KRR1: variants seen among roughly 807,000 people sequenced by gnomAD.
KRR1 encodes KRR1 small subunit processome component.
Under a neutral mutation model 50.0 loss-of-function variants are expected in KRR1, and 23 were observed. The observed-to-expected ratio is 0.46, with a 90% CI of 0.33 to 0.65. The LOEUF (loss-of-function observed/expected upper bound fraction) is 0.65, where lower values mean the gene tolerates loss of function less well. KRR1 is among the 30% of genes least tolerant of loss of function. KRR1 has a pLI of 0.02. For missense variants in KRR1, 419 were observed against 442.4 expected (o/e 0.95, Z 0.47); for synonymous variants, 133 against 146.3 (o/e 0.91, Z 0.66).
chr12:75,506,037 C>T (rs1029549625), intron 5 of KRR1: 11 of 246,704 alleles, frequency 4.5e-5, no homozygotes, highest in African/African-American at 2.3e-4. Context: ...GACTGAAGAT[C>T]TTAATGCTCA....
rs766235946 is a variant in KRR1 at position 75,508,344 on chromosome 12, A to G, written c.188T>C (p.Leu63Ser). The change falls in exon 2 of 10, where the codon TTG becomes TCG. Residue 63 changes from leucine (L) to serine (S), a missense_variant. Transcript: ENST00000229214. ...GLLEESSFATLFPKYREAYLK... is the reference protein window; with the variant it reads ...GLLEESSFATSFPKYREAYLK... ...GTAAGCTTCCCTGTATTTTGGGAAC[A>G]AAGTTGCGAAACTGCTCTCCTCCAA... is the stretch of plus-strand genomic sequence containing the variant. 2 of 1,613,632 alleles carry G rather than the reference A, an allele frequency of 1.2e-6. No individual in the cohort carries two copies. Among genetic ancestry groups the G allele is most frequent in the Non-Finnish European group, 1.7e-6 (2 of 1,179,812 alleles).
At chr12:75,510,328 A>G (rs2046441285) in intron 1 of KRR1, among the ~76,000 whole-genome samples, 1 of 152,212 alleles carries the variant, frequency 6.6e-6, no homozygotes, top group South Asian at 2.1e-4. Flanking sequence ...GACATGTACA[A>G]AGATGTTTTA....
intron 8 of KRR1, 26 bp downstream of exon 8, chr12:75,501,897 T>C (rs756183987): frequency 7.5e-6 from 12 of 1,604,326 alleles, no homozygotes; most frequent in South Asian, 2.2e-5. Context: ...TTGCTATTCA[T>C]GTGAGCCAGA....
Position 75,497,111 on chromosome 12 carries a change from C to G in KRR1, c.*2698G>C, listed in dbSNP as rs1467000646. 1 of 152,114 alleles carries G rather than the reference C, an allele frequency of 6.6e-6. No individual in the cohort carries two copies. Among genetic ancestry groups the G allele is most frequent in the Non-Finnish European group, 1.5e-5 (1 of 68,026 alleles). The allele number at this position is 152,114 out of a possible 1,614,324, so 9.4% of individuals were successfully genotyped here. On this transcript the variant is annotated 3_prime_UTR_variant, in exon 10 of 10. Coordinates refer to ENST00000229214, the MANE Select transcript of KRR1 (RefSeq NM_007043.7). ...ACTATGGATTTCAGAACCAGTATGC[C>G]AAGTTTTGGTGCAATTTCCAGTTTG...
rs1323389656 is a variant in KRR1 at position 75,494,409 on chromosome 12, A to G, written c.*5400T>C. 2 of 152,188 alleles carry G rather than the reference A, an allele frequency of 1.3e-5. No individual in the cohort carries two copies. Among genetic ancestry groups the G allele is most frequent in the Admixed American group, 6.5e-5 (1 of 15,276 alleles). 9.4% of individuals were successfully genotyped at this position (152,188 alleles called of 1,614,324 possible). ...GCAGTATCATCTTTGTAAATATCAG[A>G]TATTTTCATACCACATTCCACTTGC... On this transcript the variant is annotated 3_prime_UTR_variant, in exon 10 of 10. Transcript: ENST00000229214.
chr12:75,510,539 C>CT (rs1205666019), intron 1 of KRR1, among the ~76,000 whole-genome samples: 1 of 152,164 alleles, frequency 6.6e-6, no homozygotes, highest in Non-Finnish European at 1.5e-5. Context: ...ATACGGTCCA[C>CT]TTTCATGTAT....
intron 7 of KRR1, 92 bp from the exon 8 acceptor site, chr12:75,502,092 A>G (rs2046398419): frequency 2.0e-6 from 2 of 984,924 alleles, no homozygotes; most frequent in Admixed American, 1.9e-5. Context: ...GGTAAAAACA[A>G]TGGGGTCAAA....
In KRR1 at chr12:75,495,997, G is replaced by GTTTTTTTTTTTTTT. The variant is rs370713345; in HGVS notation, c.*3811_*3812insAAAAAAAAAAAAAA. ...TCCAAACAAACAGAATTCTGTTTTC[G>GTTTTTTTTTTTTTT]TTTTTTTTTTTGTTTTTTTTTTTTG... On this transcript the variant is annotated 3_prime_UTR_variant, in exon 10 of 10. Coordinates refer to ENST00000229214, the MANE Select transcript of KRR1 (RefSeq NM_007043.7). The GTTTTTTTTTTTTTT allele has an allele frequency of 1.5e-5, 2 of 132,126 alleles. No individual in the cohort carries two copies. The highest frequency in any genetic ancestry group is 8.0e-5 in the Admixed American group (1 of 12,534). 8.2% of individuals were successfully genotyped at this position (132,126 alleles called of 1,614,324 possible).
chr12:75,498,682 CT>C lies in KRR1; in HGVS notation c.*1126del, dbSNP rs773631187. The C allele has an allele frequency of 1.7e-5, 27 of 1,609,122 alleles. No homozygotes were observed. Among genetic ancestry groups the C allele is most frequent in the Non-Finnish European group, 2.1e-5 (25 of 1,175,820 alleles). ...TTTTAATTTTTTTTCTTTCTTCCCC[CT>C]AACTTTACAGTTAACCGACAGCGAG... is the stretch of plus-strand genomic sequence containing the variant. On this transcript the variant is annotated 3_prime_UTR_variant, in exon 10 of 10. Transcript: ENST00000229214.
chr12:75,510,765 C>T (rs956820984), intron 1 of KRR1, among the ~76,000 whole-genome samples: 11 of 152,156 alleles, frequency 7.2e-5, no homozygotes, highest in African/African-American at 2.4e-5. Flanking sequence ...TAAGTTGTAT[C>T]CCCTGCTATG....
chr12:75,508,137 T>C (rs1365254757), intron 2 of KRR1, 137 bp downstream of exon 2: 7 of 478,018 alleles, frequency 1.5e-5, no homozygotes, highest in African/African-American at 2.0e-5. Context: ...TTAAATAGTT[T>C]AGAATACCAA....
At position 75,491,431 on chromosome 12, in the gene KRR1, A is replaced by G. The variant is rs1416354583; in HGVS notation, c.*8378T>C. The G allele has an allele frequency of 1.3e-5, 2 of 152,238 alleles. No homozygotes were observed. The highest frequency in any genetic ancestry group is 2.9e-5 in the Non-Finnish European group (2 of 68,036). The allele number at this position is 152,238 out of a possible 1,614,324, so 9.4% of individuals were successfully genotyped here. On this transcript the variant is annotated 3_prime_UTR_variant, in exon 10 of 10. Transcript: ENST00000229214. ...GTACCACCATCCTGTTGAAGAATTTAGATTGTTCACTATATTTTCATTTAA... is the reference window on the plus strand; with the variant it reads ...GTACCACCATCCTGTTGAAGAATTTGGATTGTTCACTATATTTTCATTTAA...
chr12:75,506,963 T>C, intron 2 of KRR1, 47 bp from the exon 3 acceptor site: 1 of 1,526,186 alleles, frequency 6.6e-7, no homozygotes, highest in Non-Finnish European at 8.8e-7. Flanking sequence ...AATGAGTTTT[T>C]TTAGATAATT....
At position 75,492,469 on chromosome 12, in the gene KRR1, T is replaced by C. The variant is rs536586339; in HGVS notation, c.*7340A>G. Reference sequence around the variant, plus strand: ...CTCTGAATCTCAGTTTAACCTCCAATAGATCAGGGTTACAGGACCCATCAC... The same window carrying C: ...CTCTGAATCTCAGTTTAACCTCCAACAGATCAGGGTTACAGGACCCATCAC... On this transcript the variant is annotated 3_prime_UTR_variant, in exon 10 of 10. Coordinates refer to ENST00000229214, the MANE Select transcript of KRR1 (RefSeq NM_007043.7). The C allele has an allele frequency of 2.0e-5, 3 of 152,330 alleles. No homozygotes were observed. Among genetic ancestry groups the C allele is most frequent in the South Asian group, 2.1e-4 (1 of 4,828 alleles). The allele number at this position is 152,330 out of a possible 1,614,324, so 9.4% of individuals were successfully genotyped here. A position where few individuals can be genotyped will look rare whatever the true frequency, so the allele number is the denominator to read the frequency against.
intron 7 of KRR1, chr12:75,502,734 C>A (rs570578899): frequency 6.6e-6 from 1 of 152,034 alleles, no homozygotes; most frequent in East Asian, 1.9e-4. Flanking sequence ...GTGTTAAGAA[C>A]AAGTCAATCG....
At position 75,506,553 on chromosome 12, in the gene KRR1, T is replaced by C. The variant is rs779454801; in HGVS notation, c.450A>G (p.Leu150=). The change falls in exon 4 of 10, where the codon TTA becomes TTG. Residue 150 remains leucine, a synonymous_variant. Transcript: ENST00000229214. ...TTACAAATCTCTCTTTATTCCTTAC[T>C]AAAGAACCTATTTTAATGATGTCAC... ...VACDIIKIGS[L]VRNKERFVKR... 33 of 1,587,294 alleles carry C rather than the reference T, an allele frequency of 2.1e-5. No individual in the cohort carries two copies. In the African/African-American group the frequency reaches 2.8e-4, roughly 14 times the overall value.
Position 75,493,075 on chromosome 12 carries a change from C to G in KRR1, c.*6734G>C, listed in dbSNP as rs1236788922. The stretch of plus-strand genomic sequence containing the variant: ...CAAGTTTAAACCACAGAGACTGGTG[C>G]CCTCGGTCTGCTAAACAGATGAAAC... On this transcript the variant is annotated 3_prime_UTR_variant, in exon 10 of 10. Transcript: ENST00000229214. 2.0e-5 allele frequency: 3 copies of G among 152,094 alleles called. No individual in the cohort carries two copies. Among genetic ancestry groups the G allele is most frequent in the Non-Finnish European group, 4.4e-5 (3 of 68,014 alleles). The allele number at this position is 152,094 out of a possible 1,614,324, so 9.4% of individuals were successfully genotyped here.
chr12:75,500,011 AAT>A, intron 9 of KRR1, 60 bp from the exon 10 acceptor site: 1 of 1,328,658 alleles, frequency 7.5e-7, no homozygotes, highest in Non-Finnish European at 1.0e-6. Flanking sequence ...TAAAACAAAG[AAT>A]ATATGTTTAA....
intron 1 of KRR1, among the ~76,000 whole-genome samples, chr12:75,509,136 G>A (rs955719604): frequency 2.6e-5 from 4 of 152,100 alleles, no homozygotes; most frequent in Non-Finnish European, 4.4e-5. Flanking sequence ...CCTAAGGGCC[G>A]TAAATTATCT....
Sources: gnomAD v4.1 joint callset for allele counts (sites outside exome capture counted in the v4.1 genomes callset) on GRCh38, gnomAD v4.1.1 for gene constraint, MANE v1.5 for transcripts, NCBI Gene and HGNC (gene_info 2026-07-23, HGNC 2026-07-21) for gene names.